RFX1: variants seen among roughly 807,000 people sequenced by gnomAD.
RFX1 encodes the protein MHC class II regulatory factor RFX1.
In RFX1, 42 loss-of-function variants were observed where a neutral mutation model predicts 119.6. That is an observed-to-expected ratio of 0.35 (90% CI 0.27 to 0.45). The LOEUF (loss-of-function observed/expected upper bound fraction) is 0.45, where lower values mean the gene tolerates loss of function less well. RFX1 is among the 20% of genes least tolerant of loss of function. RFX1 has a pLI of 1.00. For missense variants in RFX1, 1,118 were observed against 1,368.1 expected, an observed-to-expected ratio of 0.82 and a Z score of 2.88; for synonymous variants, 628 against 618.5, an observed-to-expected ratio of 1.02 and a Z score of -0.23.
At position 13,965,787 on chromosome 19, in the gene RFX1, C is replaced by A. The variant is rs1262498387; in HGVS notation, c.1962-10G>T. 1 of 1,612,552 alleles carries A rather than the reference C, an allele frequency of 6.2e-7. No homozygotes were observed. The highest frequency in any genetic ancestry group is 8.5e-7 in the Non-Finnish European group (1 of 1,179,734). On this transcript the variant is annotated splice_polypyrimidine_tract_variant and intron_variant, in intron 14 of 20. Coordinates refer to ENST00000254325, the MANE Select transcript of RFX1 (RefSeq NM_002918.5). This position sits in a 1 kb window ranked among gnomAD's most constrained non-coding sequence, Gnocchi z 4.7. ...CTCGGCCTCGTCATGTCTGCGGGCA[C>A]CCACCCCACCCCGGGTCACTGGGGT... is the stretch of plus-strand genomic sequence containing the variant.
chr19:13,998,494 G>GAA lies in RFX1; in HGVS notation c.-52-4601_-52-4600dup, dbSNP rs57230251. 2.6e-3 allele frequency among the ~76,000 whole-genome samples: 371 copies of GAA among 140,660 alleles called. 2 individuals carry two copies. Among genetic ancestry groups the GAA allele is most frequent in the African/African-American group, 9.1e-3 (353 of 38,860 alleles). The allele number at this position is 140,660 out of a possible 152,430, so 92.3% of individuals were successfully genotyped here. ...GTGACAGAGCAAGACTCTGTCTCAA[G>GAA]AAAAAAAAAAAATCCAATGAGATCA... On this transcript the variant is annotated intron_variant, in intron 1 of 20. Transcript: ENST00000254325.
chr19:13,987,884 A>AT (rs1974657498), intron 2 of RFX1, among the ~76,000 whole-genome samples: 1 of 152,204 alleles, frequency 6.6e-6, no homozygotes, highest in South Asian at 2.1e-4. Flanking sequence ...TCATGGGTAC[A>AT]GAGTACCCTC....
intron 1 of RFX1, among the ~76,000 whole-genome samples, chr19:13,995,914 G>C (rs553137296): frequency 6.7e-6 from 1 of 149,462 alleles, no homozygotes; most frequent in Admixed American, 6.7e-5. Flanking sequence ...TGTAATCCCA[G>C]CTACTCAGGA....
chr19:13,975,726 ATGAC>A (rs1410681409), intron 8 of RFX1, among the ~76,000 whole-genome samples: 1 of 152,230 alleles, frequency 6.6e-6, no homozygotes, highest in Non-Finnish European at 1.5e-5. Flanking sequence ...TGGTTGCTGA[ATGAC>A]TGAATAAATG....
In RFX1 at chr19:14,006,245, G is replaced by A. The variant is rs1975375720; in HGVS notation, c.-195C>T. Reference sequence around the variant, plus strand: ...GGTCGGCCGGGCGGTTGTTGTTGTTGACTCGCGTTGCCGGGTTGCTTGGTC... The same window carrying A: ...GGTCGGCCGGGCGGTTGTTGTTGTTAACTCGCGTTGCCGGGTTGCTTGGTC... On this transcript the variant is annotated 5_prime_UTR_variant, in exon 1 of 21. Transcript: ENST00000254325. 1 of 152,220 alleles carries A rather than the reference G, an allele frequency of 6.6e-6. No individual in the cohort carries two copies. Among genetic ancestry groups the A allele is most frequent in the South Asian group, 2.1e-4 (1 of 4,830 alleles). 9.4% of individuals were successfully genotyped at this position (152,220 alleles called of 1,614,324 possible). A position where few individuals can be genotyped will look rare whatever the true frequency, so the allele number is the denominator to read the frequency against.
At position 13,965,494 on chromosome 19, in the gene RFX1, G is replaced by C. The variant is rs149654538; in HGVS notation, c.2166C>G (p.Leu722=). 7.2e-4 allele frequency: 1,170 copies of C among 1,614,022 alleles called. 12 individuals are homozygous for C. In the East Asian group the frequency reaches 0.015, roughly 21 times the overall value. Residue 722 remains leucine (L), a synonymous_variant, in exon 16 of 21, where the codon CTC becomes CTG. Coordinates refer to ENST00000254325, the MANE Select transcript of RFX1 (RefSeq NM_002918.5). This position sits in a 1 kb window ranked among gnomAD's most constrained non-coding sequence, Gnocchi z 4.7. ...RNFAKSLESW[L]THAMVNIPEE... ...CGGGGATGTTGACCATGGCGTGGGT[G>C]AGCCAGCTCTCCAGGCTCTTGGCAA...
chr19:13,971,463 T>C (rs1428158032), intron 9 of RFX1, among the ~76,000 whole-genome samples: 3 of 151,478 alleles, frequency 2.0e-5, no homozygotes, highest in African/African-American at 4.9e-5. Flanking sequence ...CCGGTTGGGG[T>C]TGGAATCCAG....
chr19:13,970,535 C>T (rs1259134764), intron 9 of RFX1, among the ~76,000 whole-genome samples: 2 of 151,710 alleles, frequency 1.3e-5, no homozygotes, highest in East Asian at 3.9e-4. Context: ...TGTCGTGGTG[C>T]ACACCTGCAG....
intron 9 of RFX1, among the ~76,000 whole-genome samples, chr19:13,972,026 G>A (rs921689770): frequency 3.9e-5 from 6 of 152,036 alleles, no homozygotes; most frequent in East Asian, 3.9e-4. Flanking sequence ...AAAATTAGCC[G>A]GACATGGTGC....
chr19:13,987,309 C>T (rs1340789761), intron 2 of RFX1, among the ~76,000 whole-genome samples: 1 of 152,118 alleles, frequency 6.6e-6, no homozygotes, highest in African/African-American at 2.4e-5. Context: ...GAAACTTGAT[C>T]TTCCTTCCTA....
At chr19:13,964,449 G>C (rs1345159137) in intron 16 of RFX1, among the ~76,000 whole-genome samples, 1 of 151,158 alleles carries the variant, frequency 6.6e-6, no homozygotes, top group African/African-American at 2.4e-5. Context: ...TGCACAGAAA[G>C]GGCAAACACT....
intron 4 of RFX1, 100 bp downstream of exon 4, chr19:13,983,087 C>T (rs1255089595): frequency 6.6e-6 from 6 of 913,978 alleles, no homozygotes; most frequent in Admixed American, 2.3e-5. Flanking sequence ...GGGGACTCTT[C>T]CCTCCATCCT....
At chr19:14,004,703 A>G (rs551967555) in intron 1 of RFX1, among the ~76,000 whole-genome samples, 18 of 152,238 alleles carry the variant, frequency 1.2e-4, no homozygotes, top group African/African-American at 3.9e-4. Flanking sequence ...AACTCTTGGG[A>G]AAAAGCCTGA....
intron 1 of RFX1, among the ~76,000 whole-genome samples, chr19:14,000,704 G>A (rs955119913): frequency 6.7e-6 from 1 of 149,970 alleles, no homozygotes; most frequent in Non-Finnish European, 1.5e-5. Context: ...AGGCTGGGGT[G>A]GGAGAATCAC....
chr19:13,964,793 G>A (rs1007964586), intron 16 of RFX1, among the ~76,000 whole-genome samples: 1 of 152,120 alleles, frequency 6.6e-6, no homozygotes, highest in Non-Finnish European at 1.5e-5. Context: ...ATTTTCTTTC[G>A]TACCCTGGAA....
chr19:13,968,623 C>T lies in RFX1; in HGVS notation c.1674G>A (p.Gln558=). Residue 558 remains glutamine, a synonymous_variant, in exon 12 of 21, where the codon CAG becomes CAA. Coordinates refer to ENST00000254325, the MANE Select transcript of RFX1 (RefSeq NM_002918.5). The surrounding 1 kb of genome is among the most constrained non-coding windows in gnomAD (Gnocchi z 5.5). ...TGATGTCCGACAGCCCCGTGCTCGG[C>T]TGCTGCCCCACCGCCACGCCGTTGG... The part of the protein sequence containing the change: ...GMTNGVAVGQ[Q]PSTGLSDISA... 2 of 1,613,266 alleles carry T rather than the reference C, an allele frequency of 1.2e-6. No individual in the cohort carries two copies. The highest frequency in any genetic ancestry group is 1.7e-6 in the Non-Finnish European group (2 of 1,179,982).
intron 7 of RFX1, among the ~76,000 whole-genome samples, chr19:13,978,854 C>G (rs1033669891): frequency 2.2e-4 from 34 of 152,140 alleles, no homozygotes; most frequent in African/African-American, 1.2e-4. Flanking sequence ...GACAGTGGCT[C>G]GAAGACCACT....
chr19:13,987,943 T>C (rs1974659816), intron 2 of RFX1, among the ~76,000 whole-genome samples: 1 of 151,532 alleles, frequency 6.6e-6, no homozygotes, highest in Non-Finnish European at 1.5e-5. Flanking sequence ...TCCCCATGCC[T>C]AACAGCTACT....
intron 1 of RFX1, among the ~76,000 whole-genome samples, chr19:13,999,420 T>G (rs1391736134): frequency 1.3e-5 from 2 of 152,218 alleles, no homozygotes; most frequent in African/African-American, 4.8e-5. Context: ...GTGGCTAGTC[T>G]CTGCAGCAGC....
Sources: allele counts gnomAD v4.1 joint callset (sites outside exome capture counted in the v4.1 genomes callset), GRCh38; gene constraint gnomAD v4.1.1; non-coding constraint Gnocchi (gnomAD v3.1); transcripts MANE v1.5; gene names NCBI Gene and HGNC (gene_info 2026-07-23, HGNC 2026-07-21).